HIKESHI: variants seen among roughly 807,000 people sequenced by gnomAD.
HIKESHI encodes heat shock protein nuclear import factor hikeshi.
HIKESHI carries 13 observed loss-of-function variants against 25.7 expected under a neutral mutation model. That is an observed-to-expected ratio of 0.51 (90% CI 0.33 to 0.80). The LOEUF (loss-of-function observed/expected upper bound fraction) is 0.80. Ranked by LOEUF, HIKESHI falls within the 30% of genes least tolerant of loss-of-function variation. The probability of loss-of-function intolerance (pLI) is 0.02; values close to 1 mark genes in which losing one functional copy is unlikely to be tolerated. For missense variants in HIKESHI, 174 were observed against 229.5 expected, an observed-to-expected ratio of 0.76 and a Z score of 1.56; for synonymous variants, 76 against 78.7, an observed-to-expected ratio of 0.97 and a Z score of 0.18.
chr11:86,310,412 A>AT (rs1946803450), intron 2 of HIKESHI, among the ~76,000 whole-genome samples: 1 of 152,120 alleles, frequency 6.6e-6, no homozygotes, highest in African/African-American at 2.4e-5. Flanking sequence ...TTGCACATTG[A>AT]TTTTGTATCC....
intron 2 of HIKESHI, among the ~76,000 whole-genome samples, chr11:86,328,081 C>T (rs2847472): frequency 0.14 from 21,074 of 152,022 alleles, 1,658 homozygotes; most frequent in East Asian, 0.23. Context: ...GAATGAAAGG[C>T]CCTAAAATAA....
At chr11:86,302,687 G>T (rs1593794000) in intron 1 of HIKESHI, among the ~76,000 whole-genome samples, 1 of 152,316 alleles carries the variant, frequency 6.6e-6, no homozygotes. Flanking sequence ...AGTATAAGTT[G>T]GCATTTATTA....
chr11:86,310,038 TGGC>T, intron 2 of HIKESHI, among the ~76,000 whole-genome samples: 1 of 149,222 alleles, frequency 6.7e-6, no homozygotes, highest in Non-Finnish European at 1.5e-5. Context: ...AGGATTGTCT[TGGC>T]AATGCAGGCT....
rs569130005 is a variant in HIKESHI, at chr11:86,302,287, G to T, written c.-162G>T. Reference sequence around the variant, plus strand: ...TAGGAAGAGAAGGTCAGAGTTCGCGGGGGCAGAGGCATTCTTGCCGCTGGC... The same window carrying T: ...TAGGAAGAGAAGGTCAGAGTTCGCGTGGGCAGAGGCATTCTTGCCGCTGGC... On this transcript the variant is annotated 5_prime_UTR_variant, in exon 1 of 5. Transcript: ENST00000278483. 1.2e-5 allele frequency: 9 copies of T among 779,960 alleles called. No individual in the cohort carries two copies. In the East Asian group the frequency reaches 2.2e-4, roughly 19 times the overall value. 48.3% of individuals were successfully genotyped at this position (779,960 alleles called of 1,614,324 possible).
In HIKESHI at chr11:86,302,307, G is replaced by T; in HGVS notation, c.-142G>T. On this transcript the variant is annotated 5_prime_UTR_variant, in exon 1 of 5. Transcript: ENST00000278483. ...TCGCGGGGGCAGAGGCATTCTTGCCGCTGGCCCAGTCACTATGTAGTGGAG... is the reference window on the plus strand; with the variant it reads ...TCGCGGGGGCAGAGGCATTCTTGCCTCTGGCCCAGTCACTATGTAGTGGAG... 1 of 984,538 alleles carries T rather than the reference G, an allele frequency of 1.0e-6. No homozygotes were observed. The highest frequency in any genetic ancestry group is 1.5e-6 in the Non-Finnish European group (1 of 646,936). 61.0% of individuals were successfully genotyped at this position (984,538 alleles called of 1,614,324 possible).
At chr11:86,312,032 T>C (rs370005998) in intron 2 of HIKESHI, among the ~76,000 whole-genome samples, 197 of 152,320 alleles carry the variant, frequency 1.3e-3, no homozygotes, top group South Asian at 9.7e-3. Context: ...AGAATGTATA[T>C]TCTGTTGATT....
intron 1 of HIKESHI, among the ~76,000 whole-genome samples, chr11:86,304,453 G>A (rs1279490453): frequency 1.3e-5 from 2 of 151,432 alleles, no homozygotes; most frequent in Non-Finnish European, 2.9e-5. Context: ...CATATTACGA[G>A]GACTGAAACA....
At chr11:86,304,619 A>G (rs980213830) in intron 1 of HIKESHI, among the ~76,000 whole-genome samples, 2 of 150,496 alleles carry the variant, frequency 1.3e-5, no homozygotes, top group Non-Finnish European at 2.9e-5. Context: ...AGGTTCAAGC[A>G]ATTCTCATGC....
At chr11:86,320,624 G>A (rs1158051308) in intron 2 of HIKESHI, among the ~76,000 whole-genome samples, 1 of 152,150 alleles carries the variant, frequency 6.6e-6, no homozygotes, top group African/African-American at 2.4e-5. Context: ...GATTGTGGTA[G>A]CTTTATTGAT....
chr11:86,322,712 G>A (rs530272255), intron 2 of HIKESHI, among the ~76,000 whole-genome samples: 1 of 152,116 alleles, frequency 6.6e-6, no homozygotes, highest in Admixed American at 6.5e-5. Context: ...CTTTCTCCTA[G>A]AGGTTTTAAT....
chr11:86,342,020 G>A (rs1947744042), intron 3 of HIKESHI, among the ~76,000 whole-genome samples: 2 of 151,704 alleles, frequency 1.3e-5, no homozygotes, highest in South Asian at 2.1e-4. Flanking sequence ...TTTTTCATAT[G>A]TTCTCACTAA....
chr11:86,330,363 T>C (rs763873501), intron 2 of HIKESHI, among the ~76,000 whole-genome samples: 2 of 152,218 alleles, frequency 1.3e-5, no homozygotes, highest in Non-Finnish European at 2.9e-5. Flanking sequence ...TGACTTATTT[T>C]GAATTAAAGA....
Position 86,342,478 on chromosome 11 carries a change from CGTGTGTGTGTGTGTGT to C in HIKESHI, c.421-2096_421-2081del, listed in dbSNP as rs34980731. On this transcript the variant is annotated intron_variant, in intron 3 of 4. Transcript: ENST00000278483. ...TGATATGTAAAGATATAAAGATGTT[CGTGTGTGTGTGTGTGT>C]GTGTGTGTGTGTGTGTGTGTGTGTG... is the stretch of plus-strand genomic sequence containing the variant. Among the ~76,000 whole-genome samples, 468 of 147,460 alleles carry C rather than the reference CGTGTGTGTGTGTGTGT, an allele frequency of 3.2e-3. 3 individuals carry two copies. Among genetic ancestry groups the C allele is most frequent in the East Asian group, 0.017 (85 of 4,992 alleles).
At chr11:86,340,461 G>T (rs570485598) in intron 3 of HIKESHI, among the ~76,000 whole-genome samples, 2 of 152,260 alleles carry the variant, frequency 1.3e-5, no homozygotes, top group African/African-American at 4.8e-5. Context: ...TTGTGAAATG[G>T]TATCTCACTG....
At chr11:86,342,835 G>A (rs1360826150) in intron 3 of HIKESHI, among the ~76,000 whole-genome samples, 1 of 151,790 alleles carries the variant, frequency 6.6e-6, no homozygotes, top group Admixed American at 6.6e-5. Flanking sequence ...TTGCCAGTGG[G>A]GCAAGTTCCT....
At chr11:86,322,253 C>G (rs533668944) in intron 2 of HIKESHI, among the ~76,000 whole-genome samples, 1 of 152,314 alleles carries the variant, frequency 6.6e-6, no homozygotes, top group South Asian at 2.1e-4. Flanking sequence ...TCCCAGAGTG[C>G]TGGGATTACA....
chr11:86,316,157 T>C (rs1193202612), intron 2 of HIKESHI, among the ~76,000 whole-genome samples: 1 of 142,022 alleles, frequency 7.0e-6, no homozygotes, highest in Admixed American at 7.3e-5. Flanking sequence ...TCCCTATCAT[T>C]AGACTAAGTG....
chr11:86,319,755 A>G (rs1194317153), intron 2 of HIKESHI, among the ~76,000 whole-genome samples: 1 of 152,092 alleles, frequency 6.6e-6, no homozygotes, highest in African/African-American at 2.4e-5. Flanking sequence ...ATTTCCAAGA[A>G]ACTACTTGGA....
chr11:86,344,710 G>A lies in HIKESHI; in HGVS notation c.528G>A (p.Val176=). The A allele has an allele frequency of 6.2e-7, 1 of 1,602,898 alleles. No homozygotes were observed. The highest frequency in any genetic ancestry group is 8.5e-7 in the Non-Finnish European group (1 of 1,170,050). Residue 176 remains valine (V), a synonymous_variant, in exon 4 of 5, where the codon GTG becomes GTA. Transcript: ENST00000278483. ...SPSEMFIPAN[V]VLKWYENFQR... is the part of the protein sequence containing the mutation. ...CTGAAATGTTCATTCCGGCAAATGT[G>A]GTTCTGAAATGGTATGAGGCATTTT...
Sources: allele counts gnomAD v4.1 joint callset (sites outside exome capture counted in the v4.1 genomes callset), GRCh38; gene constraint gnomAD v4.1.1; transcripts MANE v1.5; gene names NCBI Gene and HGNC (gene_info 2026-07-23, HGNC 2026-07-21).